Variants in HSF5 observed in about 807,000 individuals in gnomAD.
HSF5 encodes the protein heat shock transcription factor 5, also known as heat shock factor protein 5.
Under a neutral mutation model 50.8 loss-of-function variants are expected in HSF5, and 5 were observed. The ratio of observed to expected loss-of-function variants is 0.10; its 90% CI spans 0.05 to 0.21. The LOEUF (loss-of-function observed/expected upper bound fraction) is 0.21. HSF5 is among the 10% of genes least tolerant of loss of function. HSF5 has a pLI of 1.00. For missense variants in HSF5, 564 were observed against 762.6 expected, an observed-to-expected ratio of 0.74 and a Z score of 3.07; for synonymous variants, 307 against 307.4, an observed-to-expected ratio of 1.00 and a Z score of 0.02.
chr17:58,476,010 G>T (rs1252121317), intron 2 of HSF5: 2 of 362,850 alleles, frequency 5.5e-6, no homozygotes, highest in Non-Finnish European at 1.0e-5. Flanking sequence ...TCAAGAACAG[G>T]GTGACTGAGC....
chr17:58,478,275 A>C (rs1975045897), intron 2 of HSF5, among the ~76,000 whole-genome samples: 1 of 86,656 alleles, frequency 1.2e-5, no homozygotes, highest in African/African-American at 5.2e-5. Context: ...CTACTAAAAT[A>C]AATAAATATA....
intron 5 of HSF5, among the ~76,000 whole-genome samples, chr17:58,441,094 T>TAC (rs1284886954): frequency 6.6e-6 from 1 of 152,134 alleles, no homozygotes; most frequent in Non-Finnish European, 1.5e-5. Flanking sequence ...AGATAGACCA[T>TAC]ACACTGGGCC....
chr17:58,474,451 A>G (rs1440283536), intron 2 of HSF5, among the ~76,000 whole-genome samples: 1 of 152,158 alleles, frequency 6.6e-6, no homozygotes, highest in Non-Finnish European at 1.5e-5. Flanking sequence ...TTAACACAAA[A>G]TTCTCTATAT....
At chr17:58,427,465 T>A (rs754835909) in intron 5 of HSF5, among the ~76,000 whole-genome samples, 3 of 152,184 alleles carry the variant, frequency 2.0e-5, no homozygotes, top group Non-Finnish European at 4.4e-5. Context: ...ACAGTTAATG[T>A]CAGAATTATA....
intron 5 of HSF5, among the ~76,000 whole-genome samples, chr17:58,449,940 G>A (rs1306599383): frequency 2.1e-5 from 3 of 142,898 alleles, no homozygotes; most frequent in Non-Finnish European, 4.6e-5. Flanking sequence ...GGAGAATGGC[G>A]TGAACCCGGG....
At chr17:58,438,522 T>TC (rs1974456789) in intron 5 of HSF5, among the ~76,000 whole-genome samples, 1 of 152,134 alleles carries the variant, frequency 6.6e-6, no homozygotes, top group Admixed American at 6.6e-5. Context: ...ATCTTTGTTA[T>TC]CCATGCCAAC....
intron 5 of HSF5, among the ~76,000 whole-genome samples, chr17:58,457,229 C>T (rs761877423): frequency 2.7e-5 from 4 of 150,450 alleles, no homozygotes; most frequent in Non-Finnish European, 4.4e-5. Context: ...CATTGCACTA[C>T]AGCCCGGGCA....
intron 5 of HSF5, among the ~76,000 whole-genome samples, chr17:58,450,725 C>T (rs1450931758): frequency 1.3e-5 from 2 of 148,974 alleles, no homozygotes; most frequent in Non-Finnish European, 3.0e-5. Flanking sequence ...TGTACTCTAG[C>T]CTGGGCAACA....
Position 58,463,268 on chromosome 17 carries a change from A to T in HSF5, c.1056T>A (p.Phe352Leu). Reference sequence around the variant, plus strand: ...TACTGCAGGGCCAATTGGAAGGCAAAAATTCAACTGGATAGGAGGACTGCA... The same window carrying T: ...TACTGCAGGGCCAATTGGAAGGCAATAATTCAACTGGATAGGAGGACTGCA... ...PSMQSSYPVE[F>L]LPSNWPCSTT... Residue 352 changes from phenylalanine (F) to leucine (L), a missense_variant, in exon 4 of 6, where the codon TTT (phenylalanine) becomes TTA (leucine). By Grantham distance (22) the Phe-to-Leu change is conservative. Around this residue, in one of 5 missense-constraint regions of HSF5, gnomAD observed 441 missense variants for 533.6 expected, o/e 0.83. Coordinates refer to ENST00000323777, the MANE Select transcript of HSF5 (RefSeq NM_001080439.3). 6.2e-7 allele frequency: 1 copy of T among 1,613,990 alleles called. No individual in the cohort carries two copies. Among genetic ancestry groups the T allele is most frequent in the Non-Finnish European group, 8.5e-7 (1 of 1,179,880 alleles).
chr17:58,425,668 GTAATAATGA>G (rs965051880), intron 5 of HSF5, among the ~76,000 whole-genome samples: 10 of 147,448 alleles, frequency 6.8e-5, no homozygotes, highest in Admixed American at 4.8e-4. Context: ...TGAAGTTTAA[GTAATAATGA>G]TAATAATGAT....
intron 2 of HSF5, among the ~76,000 whole-genome samples, chr17:58,477,462 CTT>C (rs34369632): frequency 0.013 from 1,494 of 119,504 alleles, 11 homozygotes; most frequent in African/African-American, 0.042. Flanking sequence ...CTCCATTCCC[CTT>C]TTTTTTTTTT....
chr17:58,473,469 A>C lies in HSF5; in HGVS notation c.925+6424T>G, dbSNP rs1420364020. On this transcript the variant is annotated intron_variant, in intron 2 of 5. Coordinates refer to ENST00000323777, the MANE Select transcript of HSF5 (RefSeq NM_001080439.3). ...ATAGTGGAGAATAAGTAAAATTAAA[A>C]GGTTTAAAATGAAGTTTTTCATAAA... Among the ~76,000 whole-genome samples the C allele has an allele frequency of 3.3e-5, 5 of 152,202 alleles. No individual in the cohort carries two copies. The South Asian group carries it at 8.3e-4, about 25-fold the overall frequency.
At chr17:58,453,252 C>G (rs183631155) in intron 5 of HSF5, among the ~76,000 whole-genome samples, 3 of 152,214 alleles carry the variant, frequency 2.0e-5, no homozygotes, top group South Asian at 2.1e-4. Flanking sequence ...AAGAAAACTA[C>G]AGGTCAATAT....
intron 5 of HSF5, among the ~76,000 whole-genome samples, chr17:58,437,482 C>A (rs1033142672): frequency 6.6e-6 from 1 of 151,980 alleles, no homozygotes; most frequent in Non-Finnish European, 1.5e-5. Flanking sequence ...TGAAAATTTC[C>A]CGTAATCCTA....
chr17:58,459,374 G>A (rs543844560), intron 4 of HSF5, among the ~76,000 whole-genome samples: 5 of 151,992 alleles, frequency 3.3e-5, no homozygotes, highest in African/African-American at 9.7e-5. Context: ...TAGGCCGGGC[G>A]CGGTAGCTCA....
chr17:58,435,756 G>A (rs1043911560), intron 5 of HSF5, among the ~76,000 whole-genome samples: 7 of 151,502 alleles, frequency 4.6e-5, no homozygotes, highest in African/African-American at 7.3e-5. Flanking sequence ...AAAATTAGCC[G>A]GGCATGGTGG....
chr17:58,455,107 A>C (rs1004186969), intron 5 of HSF5, among the ~76,000 whole-genome samples: 2 of 152,218 alleles, frequency 1.3e-5, no homozygotes, highest in Non-Finnish European at 2.9e-5. Context: ...CCAAAACAGC[A>C]TGGTACAGGC....
In HSF5 at chr17:58,480,182, G is replaced by A; in HGVS notation, c.636C>T (p.Asp212=). 6.2e-7 allele frequency: 1 copy of A among 1,614,184 alleles called. No individual in the cohort carries two copies. Among genetic ancestry groups the A allele is most frequent in the East Asian group, 2.2e-5 (1 of 44,884 alleles). ...PYSCVSTPSH[D]HSTYPLKGLD... ...AACCTTTCAGAGGGTAAGTACTGTG[G>A]TCGTGGGATGGAGTTGATACACAGG... Residue 212 remains aspartate, a synonymous_variant, in exon 2 of 6, where the codon GAC becomes GAT. Coordinates refer to ENST00000323777, the MANE Select transcript of HSF5 (RefSeq NM_001080439.3).
chr17:58,433,201 A>G (rs574485789), intron 5 of HSF5, among the ~76,000 whole-genome samples: 1 of 152,252 alleles, frequency 6.6e-6, no homozygotes, highest in East Asian at 1.9e-4. Context: ...TGGTTTCACC[A>G]TGTTGGCCAA....
Sources: gnomAD v4.1 joint callset for allele counts (sites outside exome capture counted in the v4.1 genomes callset) on GRCh38, gnomAD v4.1.1 for gene constraint, gnomAD v4.1.1 regional missense constraint, MANE v1.5 for transcripts, NCBI Gene and HGNC (gene_info 2026-07-23, HGNC 2026-07-21) for gene names.